The following PDE1C variants were observed in gnomAD, a reference collection of about 807,000 sequenced individuals.
The protein encoded by PDE1C is dual specificity calcium/calmodulin-dependent 3',5'-cyclic nucleotide phosphodiesterase 1C.
A neutral mutation model predicts 93.1 loss-of-function variants in PDE1C; 62 were observed. The ratio of observed to expected loss-of-function variants is 0.67; its 90% confidence interval spans 0.54 to 0.82. The LOEUF (loss-of-function observed/expected upper bound fraction) is 0.82. Among genes scored for constraint, PDE1C ranks in the 40% least tolerant of loss-of-function variants. The pLI is 0.00. For missense variants in PDE1C, 742 were observed against 884.6 expected (o/e 0.84, Z 2.04); for synonymous variants, 325 against 310.1 (o/e 1.05, Z -0.50).
At chr7:32,069,847 A>G (rs897896855) in intron 1 of PDE1C, among the ~76,000 whole-genome samples, 5 of 152,244 alleles carry the variant, frequency 3.3e-5, no homozygotes, top group African/African-American at 1.2e-4. Flanking sequence ...AAAGAAATGT[A>G]GCAGCCAGAA....
At chr7:32,247,403 C>G (rs538472439) in intron 1 of PDE1C, among the ~76,000 whole-genome samples, 3 of 134,000 alleles carry the variant, frequency 2.2e-5, no homozygotes, top group Non-Finnish European at 3.3e-5. Flanking sequence ...CAAATTCTCT[C>G]AAGAATCATT....
chr7:31,728,654 C>T, the PDE1C span, among the ~76,000 whole-genome samples: 2 of 152,022 alleles, frequency 1.3e-5, no homozygotes, highest in Non-Finnish European at 2.9e-5. Flanking sequence ...TTCCAGCCTT[C>T]CCTGAGTTCA....
intron 2 of PDE1C, among the ~76,000 whole-genome samples, chr7:32,030,048 A>C (rs1306480770): frequency 2.0e-5 from 3 of 150,900 alleles, no homozygotes; most frequent in African/African-American, 7.3e-5. Flanking sequence ...GGGTGAGTGA[A>C]AAAGCAAGTT....
At chr7:31,683,917 T>C in the PDE1C span, among the ~76,000 whole-genome samples, 4 of 152,214 alleles carry the variant, frequency 2.6e-5, no homozygotes, top group African/African-American at 9.6e-5. Context: ...CCATCAGGAA[T>C]GAAGGCACAA....
chr7:31,673,714 T>A, the PDE1C span, among the ~76,000 whole-genome samples: 1 of 5,908 alleles, frequency 1.7e-4, no homozygotes, highest in African/African-American at 4.5e-3. Flanking sequence ...AGAAACTAGT[T>A]TTTTTTTTTT....
At chr7:31,639,687 C>G in the PDE1C span, among the ~76,000 whole-genome samples, 7 of 152,000 alleles carry the variant, frequency 4.6e-5, no homozygotes, top group East Asian at 1.2e-3. Context: ...CAGGTGCCTG[C>G]CACCATGCCC....
chr7:32,021,668 A>G (rs1474390814), intron 2 of PDE1C, among the ~76,000 whole-genome samples: 1 of 152,116 alleles, frequency 6.6e-6, no homozygotes, highest in Non-Finnish European at 1.5e-5. Flanking sequence ...ATTTCAATAC[A>G]TTATTTGAAT....
intron 3 of PDE1C, among the ~76,000 whole-genome samples, chr7:32,112,846 GTATATATATATA>G (rs1203879712): frequency 2.2e-3 from 128 of 59,166 alleles, no homozygotes; most frequent in African/African-American, 8.4e-3. Flanking sequence ...GTGTGTGTGT[GTATATATATATA>G]TATATATATA....
chr7:31,879,217 T>C (rs1796962800), intron 3 of PDE1C, 39 bp from the exon 4 acceptor site: 2 of 1,579,974 alleles, frequency 1.3e-6, no homozygotes, highest in Non-Finnish European at 1.7e-6. Flanking sequence ...TGAGATTAAA[T>C]CTGAAGTTGG....
At chr7:31,975,362 A>G (rs1427614894) in intron 2 of PDE1C, among the ~76,000 whole-genome samples, 1 of 152,154 alleles carries the variant, frequency 6.6e-6, no homozygotes, top group African/African-American at 2.4e-5. Context: ...AGGTGACAAA[A>G]GCATCTGCAA....
At position 31,933,687 on chromosome 7, in the gene PDE1C, T is replaced by A. The variant is rs111486168; in HGVS notation, c.129-52827A>T. 8.9e-3 allele frequency among the ~76,000 whole-genome samples: 1,361 copies of A among 152,256 alleles called. 22 individuals are homozygous for A. The highest frequency in any genetic ancestry group is 0.031 in the African/African-American group (1,275 of 41,560). On this transcript the variant is annotated intron_variant, in intron 2 of 17. Coordinates refer to ENST00000396191, the MANE Select transcript of PDE1C (RefSeq NM_001191057.4). ...GGGGGCAGATACCTTATGAATGACT[T>A]GGGCCAACCCCATTGGTGATAGTGA...
chr7:31,725,327 A>C, the PDE1C span, among the ~76,000 whole-genome samples: 7 of 152,340 alleles, frequency 4.6e-5, no homozygotes, highest in East Asian at 1.4e-3. Flanking sequence ...CCTTGGCCCT[A>C]AAAATGAGTC....
At chr7:31,654,786 G>A in the PDE1C span, among the ~76,000 whole-genome samples, 1 of 152,048 alleles carries the variant, frequency 6.6e-6, no homozygotes, top group Admixed American at 6.6e-5. Context: ...ATGAAAAGAT[G>A]GTCAAAGGAG....
At chr7:31,692,538 G>C in the PDE1C span, 1 of 1,575,864 alleles carries the variant, frequency 6.3e-7, no homozygotes, top group Non-Finnish European at 8.7e-7. Context: ...ACAAATGATC[G>C]ATTGTGAATG....
the PDE1C span, among the ~76,000 whole-genome samples, chr7:31,712,905 G>T: frequency 6.6e-6 from 1 of 152,084 alleles, no homozygotes. Context: ...CTGTCCCCAA[G>T]ATTCAATTAC....
chr7:31,876,837 C>T (rs1462225971), intron 5 of PDE1C, among the ~76,000 whole-genome samples: 1 of 151,864 alleles, frequency 6.6e-6, no homozygotes, highest in African/African-American at 2.4e-5. Flanking sequence ...TAAGAAGAGA[C>T]GGAAAGGGTA....
intron 3 of PDE1C, among the ~76,000 whole-genome samples, chr7:32,168,704 T>A (rs952572600): frequency 2.0e-5 from 3 of 152,160 alleles, no homozygotes; most frequent in African/African-American, 7.2e-5. Flanking sequence ...TTACCTGCAA[T>A]TCTTGTCTCA....
At chr7:32,401,822 A>G (rs1784948569) in intron 1 of PDE1C, among the ~76,000 whole-genome samples, 1 of 152,190 alleles carries the variant, frequency 6.6e-6, no homozygotes. Flanking sequence ...CCTACGTCAG[A>G]GAGTCTGCAG....
intron 7 of PDE1C, among the ~76,000 whole-genome samples, chr7:31,859,837 T>C (rs1455891815): frequency 6.6e-6 from 1 of 152,240 alleles, no homozygotes. Flanking sequence ...TCTATGTGTA[T>C]ATACATGTGC....
Sources: gnomAD v4.1 joint callset for allele counts (sites outside exome capture counted in the v4.1 genomes callset) on GRCh38, gnomAD v4.1.1 for gene constraint, MANE v1.5 for transcripts, NCBI Gene and HGNC (gene_info 2026-07-23, HGNC 2026-07-21) for gene names.